Variants in CLCN5 observed in about 807,000 individuals in gnomAD.
CLCN5 encodes the protein H(+)/Cl(-) exchange transporter 5.
CLCN5 carries 17 observed loss-of-function variants against 54.0 expected under a neutral mutation model. The ratio of observed to expected loss-of-function variants is 0.31; its 90% CI spans 0.22 to 0.47. The LOEUF is 0.47. Among genes scored for constraint, CLCN5 ranks in the 20% least tolerant of loss-of-function variants. The pLI, the probability that CLCN5 is intolerant of heterozygous loss-of-function variation, is 1.00. For synonymous variants in CLCN5, 222 were observed against 233.0 expected (o/e 0.95, Z 0.43); for missense variants, 448 against 646.7 (o/e 0.69, Z 3.33).
rs782798617 is a variant in CLCN5, at chrX:49,925,309, G to C, written c.11G>C (p.Trp4Ser). 11 of 1,209,567 alleles carry C rather than the reference G, an allele frequency of 9.1e-6. No individual in the cohort carries two copies. Among genetic ancestry groups the C allele is most frequent in the Admixed American group, 2.2e-5 (1 of 46,050 alleles). Residue 4 changes from tryptophan (W) to serine (S), a missense_variant, in exon 3 of 15, where the codon TGG (tryptophan) becomes TCG (serine). Coordinates refer to ENST00000376091, the MANE Select transcript of CLCN5 (RefSeq NM_001127898.4). MAM[W>S]QGAMDNRGFQ... ...GAAGATAGGATCAAGATGGCCATGTGGCAGGGTAAGAAATTAGCACTTATT... is the reference window on the plus strand; with the variant it reads ...GAAGATAGGATCAAGATGGCCATGTCGCAGGGTAAGAAATTAGCACTTATT...
intron 4 of CLCN5, among the ~76,000 whole-genome samples, chrX:50,053,535 A>G (rs1932656963): frequency 9.3e-6 from 1 of 108,048 alleles, no homozygotes; most frequent in African/African-American, 3.4e-5. Flanking sequence ...TAAATTTCTT[A>G]TTGTCTTTGG....
At chrX:50,004,306 A>C (rs12842258) in intron 3 of CLCN5, among the ~76,000 whole-genome samples, 1 of 112,043 alleles carries the variant, frequency 8.9e-6, no homozygotes, top group African/African-American at 3.3e-5. Flanking sequence ...GGTAGTGAAC[A>C]AAATAAGTAA....
intron 4 of CLCN5, among the ~76,000 whole-genome samples, chrX:50,046,375 C>T (rs1331968101): frequency 8.9e-6 from 1 of 112,148 alleles, no homozygotes; most frequent in South Asian, 3.7e-4. Flanking sequence ...TTCCTCACCT[C>T]CCTGTCTTTC....
At chrX:50,019,567 G>A (rs1399242516) in intron 3 of CLCN5, among the ~76,000 whole-genome samples, 102 of 53,769 alleles carry the variant, frequency 1.9e-3, no homozygotes, top group Non-Finnish European at 2.8e-3. Flanking sequence ...ATGCTGGTGC[G>A]CTGCACCCAC....
Position 50,076,111 on chromosome X carries a change from C to T in CLCN5, c.603+129C>T. 3 of 603,954 alleles carry T rather than the reference C, an allele frequency of 5.0e-6. No homozygotes were observed. In the South Asian group the frequency reaches 7.4e-5, roughly 15 times the overall value. 49.8% of individuals were successfully genotyped at this position (603,954 alleles called of 1,213,427 possible). A position where few individuals can be genotyped will look rare whatever the true frequency, so the allele number is the denominator to read the frequency against. ...TTTCCACAGAAAGGGGAACCAGTAC[C>T]AGCTGCCTTTCTCTGTGGTTTAAGT... On this transcript the variant is annotated intron_variant, in intron 7 of 14. Coordinates refer to ENST00000376091, the MANE Select transcript of CLCN5 (RefSeq NM_001127898.4).
Position 50,001,640 on chromosome X carries a change from G to A in CLCN5, c.17-40676G>A, listed in dbSNP as rs1465240194. ...CTCCCCCCACCCCATGACAGGCCCC[G>A]ATGTGTGATGTTCCCCTTCCTGTGT... On this transcript the variant is annotated intron_variant, in intron 3 of 14. Coordinates refer to ENST00000376091, the MANE Select transcript of CLCN5 (RefSeq NM_001127898.4). Among the ~76,000 whole-genome samples, 2 of 75,093 alleles carry A rather than the reference G, an allele frequency of 2.7e-5. 1 individual carries two copies. Among genetic ancestry groups the A allele is most frequent in the Non-Finnish European group, 4.7e-5 (2 of 42,899 alleles). 65.2% of individuals were successfully genotyped at this position (75,093 alleles called of 115,157 possible). A position where few individuals can be genotyped will look rare whatever the true frequency, so the allele number is the denominator to read the frequency against.
chrX:49,971,881 T>C (rs1928232669), intron 3 of CLCN5, among the ~76,000 whole-genome samples: 1 of 112,061 alleles, frequency 8.9e-6, no homozygotes, highest in Non-Finnish European at 1.9e-5. Flanking sequence ...TTTTTGCCAG[T>C]TAAATTGTTG....
chrX:50,017,444 T>G (rs1461515406), intron 3 of CLCN5, among the ~76,000 whole-genome samples: 1 of 112,377 alleles, frequency 8.9e-6, no homozygotes, highest in Non-Finnish European at 1.9e-5. Context: ...TTACATTCAA[T>G]TAACAGTGGC....
intron 3 of CLCN5, among the ~76,000 whole-genome samples, chrX:50,035,082 T>A (rs1182727282): frequency 1.8e-5 from 2 of 111,046 alleles, no homozygotes; most frequent in Non-Finnish European, 3.8e-5. Flanking sequence ...ATTCTCATCT[T>A]CAAGTCTTTG....
At chrX:50,091,308 T>G (rs1421351061) in intron 14 of CLCN5, among the ~76,000 whole-genome samples, 1 of 111,854 alleles carries the variant, frequency 8.9e-6, no homozygotes, top group Non-Finnish European at 1.9e-5. Context: ...AGCTAATAAA[T>G]AGTAGAGAAA....
chrX:49,978,034 C>T (rs1357747034), intron 3 of CLCN5, among the ~76,000 whole-genome samples: 5 of 111,924 alleles, frequency 4.5e-5, no homozygotes, highest in African/African-American at 6.5e-5. Flanking sequence ...CTTGGGTAAG[C>T]GGATCCCTTA....
intron 3 of CLCN5, among the ~76,000 whole-genome samples, chrX:49,984,815 A>G (rs1557178109): frequency 1.2e-4 from 13 of 110,492 alleles, no homozygotes; most frequent in Non-Finnish European, 1.9e-5. Flanking sequence ...ACGGGATCTC[A>G]CTATGTTGCC....
At chrX:50,057,318 G>C (rs1557189092) in intron 4 of CLCN5, among the ~76,000 whole-genome samples, 2 of 104,598 alleles carry the variant, frequency 1.9e-5, no homozygotes, top group Non-Finnish European at 4.0e-5. Context: ...CAACAGAATA[G>C]CTGCCCTGAA....
chrX:50,006,732 G>A (rs1026851828), intron 3 of CLCN5, among the ~76,000 whole-genome samples: 4 of 111,466 alleles, frequency 3.6e-5, no homozygotes, highest in Non-Finnish European at 7.5e-5. Context: ...ATTCAGATGG[G>A]GTGAGCCTTA....
At chrX:50,005,273 G>C (rs906175331) in intron 3 of CLCN5, among the ~76,000 whole-genome samples, 1 of 111,657 alleles carries the variant, frequency 9.0e-6, no homozygotes, top group Admixed American at 9.5e-5. Context: ...TTTTGAGGAA[G>C]GGGGAGCAGA....
At position 50,093,976 on chromosome X, in the gene CLCN5, TCTC is replaced by T. The variant is rs1387671969; in HGVS notation, c.*1758_*1760del. The T allele has an allele frequency of 2.7e-5, 3 of 110,810 alleles. No individual in the cohort carries two copies. The Admixed American group carries it at 2.9e-4, about 11-fold the overall frequency. 9.1% of individuals were successfully genotyped at this position (110,810 alleles called of 1,213,427 possible). On this transcript the variant is annotated 3_prime_UTR_variant, in exon 15 of 15. Coordinates refer to ENST00000376091, the MANE Select transcript of CLCN5 (RefSeq NM_001127898.4). Reference sequence around the variant, plus strand: ...ATTTTATAGCTCTGTTCCTAGCACTTCTCATCATCCTTCCAGCCCAGAATCAGC... The same window carrying T: ...ATTTTATAGCTCTGTTCCTAGCACTTATCATCCTTCCAGCCCAGAATCAGC...
At chrX:50,042,551 A>C (rs1932264237) in intron 4 of CLCN5, 89 bp downstream of exon 4, 2 of 606,944 alleles carry the variant, frequency 3.3e-6, no homozygotes, top group African/African-American at 4.8e-5. Flanking sequence ...ATTTTCTAGC[A>C]CACAGTCCTG....
At chrX:49,932,218 ATC>A (rs1557168972) in intron 3 of CLCN5, among the ~76,000 whole-genome samples, 2 of 111,604 alleles carry the variant, frequency 1.8e-5, no homozygotes, top group Non-Finnish European at 3.8e-5. Context: ...GCCTGGACCC[ATC>A]TCTCTCTTTT....
At chrX:50,027,132 A>C (rs1557185156) in intron 3 of CLCN5, among the ~76,000 whole-genome samples, 1 of 107,580 alleles carries the variant, frequency 9.3e-6, no homozygotes, top group East Asian at 2.9e-4. Context: ...CTCCTGCCTC[A>C]GCCTCCTGAG....
Sources: gnomAD v4.1 joint callset for allele counts (sites outside exome capture counted in the v4.1 genomes callset) on GRCh38, gnomAD v4.1.1 for gene constraint, MANE v1.5 for transcripts, NCBI Gene and HGNC (gene_info 2026-07-23, HGNC 2026-07-21) for gene names.